Variants in DNASE1 observed in about 807,000 individuals in gnomAD.
The protein encoded by DNASE1 is deoxyribonuclease 1, also known as deoxyribonuclease-1.
A neutral mutation model predicts 33.9 loss-of-function variants in DNASE1; 40 were observed. That is an observed-to-expected ratio of 1.18 (90% CI 0.92 to 1.54). The LOEUF (loss-of-function observed/expected upper bound fraction) is 1.54, where lower values mean the gene tolerates loss of function less well. DNASE1 is among the 40% of genes most tolerant of loss of function. The pLI, the probability that DNASE1 is intolerant of heterozygous loss-of-function variation, is 0.00. For synonymous variants in DNASE1, 216 were observed against 160.0 expected, an observed-to-expected ratio of 1.35 and a Z score of -2.64; for missense variants, 518 against 372.6, an observed-to-expected ratio of 1.39 and a Z score of -3.21.
At chr16:3,654,541 G>A, upstream of DNASE1, 1 of 398,666 alleles carries the variant, frequency 2.5e-6, no homozygotes, top group Non-Finnish European at 4.4e-6. Context: ...AGGGAGACTG[G>A]AGCCCAGCCC....
chr16:3,661,734 T>C, downstream of DNASE1: 1 of 407,326 alleles, frequency 2.5e-6, no homozygotes, highest in Non-Finnish European at 4.3e-6. Context: ...GGCAAAGCCA[T>C]AAAGCAAAAC....
chr16:3,662,101 A>G (rs1219143360), downstream of DNASE1: 3 of 1,613,122 alleles, frequency 1.9e-6, no homozygotes, highest in Middle Eastern at 1.7e-4. Flanking sequence ...CACGGTGACC[A>G]TGGCAGGGTG....
At chr16:3,627,937 C>CAAAAAAA (rs55920324) in intron 1 of DNASE1, among the ~76,000 whole-genome samples, 1 of 80,398 alleles carries the variant, frequency 1.2e-5, no homozygotes, top group African/African-American at 5.4e-5. Flanking sequence ...TCTATTTCTG[C>CAAAAAAA]AAAAAAAAAA....
intron 1 of DNASE1, among the ~76,000 whole-genome samples, chr16:3,628,552 T>G (rs1239065323): frequency 6.6e-6 from 1 of 152,032 alleles, no homozygotes; most frequent in Non-Finnish European, 1.5e-5. Flanking sequence ...TGTGCATTTC[T>G]GTTTTTTTCT....
chr16:3,634,368 A>G (rs942355233), intron 1 of DNASE1, among the ~76,000 whole-genome samples: 15 of 151,976 alleles, frequency 9.9e-5, no homozygotes, highest in Non-Finnish European at 5.9e-5. Context: ...AGCTGGGACT[A>G]CAGGTGCCCG....
chr16:3,628,440 A>G (rs1329776021), intron 1 of DNASE1, among the ~76,000 whole-genome samples: 2 of 152,188 alleles, frequency 1.3e-5, no homozygotes, highest in East Asian at 3.8e-4. Flanking sequence ...TGCTATGGCT[A>G]GAACTTCCAG....
chr16:3,615,238 G>C (rs1366692977), intron 1 of DNASE1, among the ~76,000 whole-genome samples: 1 of 152,158 alleles, frequency 6.6e-6, no homozygotes, highest in East Asian at 1.9e-4. Context: ...GTATAAGAGA[G>C]ATGGCAAGAG....
At chr16:3,658,325 A>T (rs1596666951), downstream of DNASE1, 1 of 996,392 alleles carries the variant, frequency 1.0e-6, no homozygotes, top group Non-Finnish European at 1.5e-6. Context: ...CCGAGGCTGG[A>T]GTGCAGAGGC....
chr16:3,631,239 GT>G (rs538149532), intron 1 of DNASE1, among the ~76,000 whole-genome samples: 162 of 151,980 alleles, frequency 1.1e-3, no homozygotes, highest in South Asian at 2.3e-3. Context: ...GTCTTGGTCT[GT>G]TGCCCAGACT....
chr16:3,657,961 C>A lies in DNASE1; in HGVS notation c.*8C>A, dbSNP rs369410727. On this transcript the variant is annotated 3_prime_UTR_variant, in exon 9 of 9. Coordinates refer to ENST00000246949, the MANE Select transcript of DNASE1 (RefSeq NM_005223.4). The stretch of plus-strand genomic sequence containing the variant: ...GAGGTGATGCTGAAGTGAGCAGCCC[C>A]TCCCCACACCAGTTGAACTGCAGGA... The A allele has an allele frequency of 6.2e-7, 1 of 1,613,940 alleles. No homozygotes were observed. Among genetic ancestry groups the A allele is most frequent in the Non-Finnish European group, 8.5e-7 (1 of 1,180,002 alleles).
upstream of DNASE1, among the ~76,000 whole-genome samples, chr16:3,649,900 C>T (rs140244676): frequency 4.0e-5 from 6 of 151,456 alleles, no homozygotes; most frequent in South Asian, 2.1e-4. Context: ...TTTTATTTCT[C>T]GGTGTGTTTT....
chr16:3,624,830 A>G (rs1356792838), intron 1 of DNASE1, among the ~76,000 whole-genome samples: 1 of 152,068 alleles, frequency 6.6e-6, no homozygotes, highest in African/African-American at 2.4e-5. Context: ...CTGAGAATAT[A>G]GGTTTCTTCC....
chr16:3,615,135 G>A (rs1336634664), intron 1 of DNASE1, among the ~76,000 whole-genome samples: 2 of 151,978 alleles, frequency 1.3e-5, no homozygotes, highest in African/African-American at 4.8e-5. Context: ...TTCAACCTGT[G>A]TCTTTTGAAA....
intron 1 of DNASE1, among the ~76,000 whole-genome samples, chr16:3,619,728 C>T (rs574236236): frequency 1.7e-4 from 26 of 151,688 alleles, no homozygotes; most frequent in Non-Finnish European, 3.2e-4. Flanking sequence ...CCAGGATGAT[C>T]TCAAATTCCT....
chr16:3,664,273 C>T (rs887335320), exon 10 of DNASE1: 6 of 1,587,698 alleles, frequency 3.8e-6, no homozygotes, highest in Non-Finnish European at 5.1e-6. Context: ...CGCTCACCCA[C>T]CTCTGTGTCT....
chr16:3,655,187 T>G, intron 1 of DNASE1, 143 bp downstream of exon 1: 1 of 755,810 alleles, frequency 1.3e-6, no homozygotes. Context: ...GAGGAGTGAC[T>G]CGGGGTCCTC....
chr16:3,663,748 G>T (rs2050750607), exon 10 of DNASE1: 1 of 668,422 alleles, frequency 1.5e-6, no homozygotes, highest in Non-Finnish European at 2.5e-6. Flanking sequence ...GGCTCTGACT[G>T]CCTTCAAGGC....
At chr16:3,640,507 A>G (rs1031164885), upstream of DNASE1, among the ~76,000 whole-genome samples, 1 of 152,170 alleles carries the variant, frequency 6.6e-6, no homozygotes, top group Non-Finnish European at 1.5e-5. Context: ...TCTTGGAATC[A>G]CTGTCCTGCA....
chr16:3,613,753 C>A (rs1156809961), intron 1 of DNASE1, among the ~76,000 whole-genome samples: 1 of 152,056 alleles, frequency 6.6e-6, no homozygotes, highest in Non-Finnish European at 1.5e-5. Context: ...TTCCTTCCTT[C>A]CCTTCCTTGC....
Sources: allele counts gnomAD v4.1 joint callset (sites outside exome capture counted in the v4.1 genomes callset), GRCh38; gene constraint gnomAD v4.1.1; transcripts MANE v1.5; gene names NCBI Gene and HGNC (gene_info 2026-07-23, HGNC 2026-07-21).